Variants in CPEB3 observed in about 807,000 individuals in gnomAD.
The protein encoded by CPEB3 is cytoplasmic polyadenylation element binding protein 3, also known as cytoplasmic polyadenylation element-binding protein 3.
In CPEB3, 20 loss-of-function variants were observed where a neutral mutation model predicts 67.2. The ratio of observed to expected loss-of-function variants is 0.30; its 90% CI spans 0.21 to 0.43. The LOEUF (loss-of-function observed/expected upper bound fraction) is 0.43. Among genes scored for constraint, CPEB3 ranks in the 20% least tolerant of loss-of-function variants. The pLI is 1.00. For synonymous variants in CPEB3, 376 were observed against 393.1 expected, an observed-to-expected ratio of 0.96 and a Z score of 0.51; for missense variants, 746 against 968.6, an observed-to-expected ratio of 0.77 and a Z score of 3.05.
chr10:92,110,003 T>G (rs1481047930), intron 7 of CPEB3, among the ~76,000 whole-genome samples: 1 of 152,176 alleles, frequency 6.6e-6, no homozygotes, highest in Non-Finnish European at 1.5e-5. Context: ...TTTCCTCTTA[T>G]CTGAGCCTCT....
chr10:92,131,604 G>A (rs368427810), intron 6 of CPEB3, among the ~76,000 whole-genome samples: 15 of 152,124 alleles, frequency 9.9e-5, no homozygotes, highest in East Asian at 3.8e-4. Context: ...ATAAGACATC[G>A]TTGACTAAGG....
intron 3 of CPEB3, among the ~76,000 whole-genome samples, chr10:92,189,533 T>C (rs774249223): frequency 4.6e-5 from 7 of 152,118 alleles, no homozygotes; most frequent in Non-Finnish European, 7.3e-5. Context: ...TCCAGATTAA[T>C]AGGCAGCCAG....
intron 5 of CPEB3, 125 bp downstream of exon 5, chr10:92,144,815 CACCAA>C: frequency 2.7e-6 from 2 of 732,304 alleles, no homozygotes; most frequent in Non-Finnish European, 4.6e-6. Context: ...CTTTCTAATC[CACCAA>C]ATAGTCTCAC....
rs1042441112 is a variant in CPEB3 at position 92,253,910 on chromosome 10, T to C, written c.-11-13549A>G. Among the ~76,000 whole-genome samples, 6 of 151,932 alleles carry C rather than the reference T, an allele frequency of 3.9e-5. No homozygotes were observed. The East Asian group carries it at 5.8e-4, about 15-fold the overall frequency. Reference sequence around the variant, plus strand: ...GCCAGGCTGTACTAGAGGCACCAAATGTAAAGATTTGAGTTTGTAAAGACT... The same window carrying C: ...GCCAGGCTGTACTAGAGGCACCAAACGTAAAGATTTGAGTTTGTAAAGACT... On this transcript the variant is annotated intron_variant, in intron 1 of 9. Coordinates refer to ENST00000265997, the MANE Select transcript of CPEB3 (RefSeq NM_014912.5).
intron 4 of CPEB3, among the ~76,000 whole-genome samples, chr10:92,169,712 T>C (rs1003214852): frequency 6.6e-6 from 1 of 152,224 alleles, no homozygotes; most frequent in Admixed American, 6.5e-5. Flanking sequence ...TACACTCTCC[T>C]GTTGTTCTTA....
At chr10:92,189,065 A>T (rs747335075) in intron 3 of CPEB3, among the ~76,000 whole-genome samples, 3 of 152,128 alleles carry the variant, frequency 2.0e-5, no homozygotes, top group Non-Finnish European at 4.4e-5. Flanking sequence ...GAATAAAGAG[A>T]TTTTTTACTG....
chr10:92,120,098 C>CAAAAAAAAAAAAAGAAAAAACAAGCA (rs1845271891), intron 6 of CPEB3, among the ~76,000 whole-genome samples: 1 of 45,284 alleles, frequency 2.2e-5, no homozygotes, highest in Non-Finnish European at 3.7e-5. Flanking sequence ...ACTAAAAATA[C>CAAAAAAAAAAAAAGAAAAAACAAGCA]AAAAAAAAAA....
intron 1 of CPEB3, among the ~76,000 whole-genome samples, chr10:92,274,954 C>T (rs1841911008): frequency 6.6e-6 from 1 of 152,078 alleles, no homozygotes; most frequent in Non-Finnish European, 1.5e-5. Context: ...GAGGTGTTCC[C>T]TCCTCAGATT....
intron 4 of CPEB3, among the ~76,000 whole-genome samples, chr10:92,161,733 T>C (rs1464778563): frequency 6.6e-6 from 1 of 152,160 alleles, no homozygotes; most frequent in Non-Finnish European, 1.5e-5. Context: ...GGCATGATCT[T>C]GGTTCACTAC....
At chr10:92,182,057 T>C (rs570562335) in intron 3 of CPEB3, among the ~76,000 whole-genome samples, 30 of 152,352 alleles carry the variant, frequency 2.0e-4, no homozygotes, top group East Asian at 1.7e-3. Flanking sequence ...AAAATAGTTA[T>C]TGAAACAATG....
At chr10:92,275,962 C>A (rs1288708037) in intron 1 of CPEB3, among the ~76,000 whole-genome samples, 7 of 151,108 alleles carry the variant, frequency 4.6e-5, no homozygotes, top group Non-Finnish European at 7.4e-5. Context: ...CATTCTCCTG[C>A]CTCAGCCTCC....
chr10:92,068,756 G>C (rs1842648673), intron 9 of CPEB3, among the ~76,000 whole-genome samples: 1 of 152,176 alleles, frequency 6.6e-6, no homozygotes. Context: ...TGGAAGGAGA[G>C]CATGGACAAA....
chr10:92,164,467 C>T (rs1274487153), intron 4 of CPEB3, among the ~76,000 whole-genome samples: 2 of 152,158 alleles, frequency 1.3e-5, no homozygotes, highest in African/African-American at 2.4e-5. Context: ...TTGATCCCCT[C>T]CCCTAACTCA....
chr10:92,191,112 C>G (rs1286318953), intron 3 of CPEB3, among the ~76,000 whole-genome samples: 1 of 151,748 alleles, frequency 6.6e-6, no homozygotes, highest in African/African-American at 2.4e-5. Flanking sequence ...TTAATATTTT[C>G]CTTAAAATGC....
At chr10:92,282,759 C>A (rs886746267) in intron 1 of CPEB3, among the ~76,000 whole-genome samples, 3 of 152,142 alleles carry the variant, frequency 2.0e-5, no homozygotes, top group Admixed American at 6.5e-5. Flanking sequence ...ACCAAAGTCT[C>A]CTCTTAATGT....
At chr10:92,185,750 T>C (rs966308126) in intron 3 of CPEB3, among the ~76,000 whole-genome samples, 5 of 152,192 alleles carry the variant, frequency 3.3e-5, no homozygotes, top group African/African-American at 1.2e-4. Flanking sequence ...GTAAAATGCA[T>C]ATTCTACTGG....
At chr10:92,285,276 ATTTTT>A (rs1010977303) in intron 1 of CPEB3, among the ~76,000 whole-genome samples, 1 of 151,794 alleles carries the variant, frequency 6.6e-6, no homozygotes, top group Non-Finnish European at 1.5e-5. Context: ...TTTCTTTCTT[ATTTTT>A]ATTTTTTGAG....
chr10:92,233,800 T>A lies in CPEB3; in HGVS notation c.1005+5546A>T, dbSNP rs61493415. Among the ~76,000 whole-genome samples the A allele has an allele frequency of 7.5e-3, 1,133 of 152,006 alleles. 13 individuals are homozygous for A. The highest frequency in any genetic ancestry group is 0.026 in the African/African-American group (1,086 of 41,478). Reference sequence around the variant, plus strand: ...AAACTCCTTGCAATCACCTTTAACTTGGGAATAGAAGGAAAAGGAGAGGGA... The same window carrying A: ...AAACTCCTTGCAATCACCTTTAACTAGGGAATAGAAGGAAAAGGAGAGGGA... On this transcript the variant is annotated intron_variant, in intron 2 of 9. Coordinates refer to ENST00000265997, the MANE Select transcript of CPEB3 (RefSeq NM_014912.5).
intron 1 of CPEB3, among the ~76,000 whole-genome samples, chr10:92,246,800 G>A (rs556323814): frequency 1.1e-3 from 160 of 152,128 alleles, no homozygotes; most frequent in African/African-American, 3.6e-3. Context: ...AAGCCACCAC[G>A]CCCGGCCTAG....
Sources: allele counts gnomAD v4.1 joint callset (sites outside exome capture counted in the v4.1 genomes callset), GRCh38; gene constraint gnomAD v4.1.1; transcripts MANE v1.5; gene names NCBI Gene and HGNC (gene_info 2026-07-23, HGNC 2026-07-21).